The following NBAS variants were observed in gnomAD, a reference collection of about 807,000 sequenced individuals.
NBAS encodes the protein NBAS subunit of NRZ tethering complex, also known as NAG/BC035112 fusion.
Under a neutral mutation model 302.5 loss-of-function variants are expected in NBAS, and 219 were observed. The ratio of observed to expected loss-of-function variants is 0.72; its 90% CI spans 0.65 to 0.81. The LOEUF is 0.81. Ranked by LOEUF, NBAS falls within the 30% of genes least tolerant of loss-of-function variation. The pLI, the probability that NBAS is intolerant of heterozygous loss-of-function variation, is 0.00. For missense variants in NBAS, 2,932 were observed against 2,841.6 expected (o/e 1.03, Z -0.72); for synonymous variants, 1,118 against 1,021.6 (o/e 1.09, Z -1.80).
At chr2:14,929,283 T>A in the NBAS span, among the ~76,000 whole-genome samples, 2 of 152,224 alleles carry the variant, frequency 1.3e-5, no homozygotes, top group Non-Finnish European at 2.9e-5. Context: ...TATGTAAGAA[T>A]CACACACTAA....
the NBAS span, among the ~76,000 whole-genome samples, chr2:15,131,814 G>A: frequency 1.3e-5 from 2 of 151,722 alleles, no homozygotes; most frequent in East Asian, 1.9e-4. Context: ...AGGCCTACAG[G>A]GAGCTTTTAC....
intron 38 of NBAS, among the ~76,000 whole-genome samples, chr2:15,315,016 G>C (rs1671442377): frequency 6.6e-6 from 1 of 152,200 alleles, no homozygotes; most frequent in Non-Finnish European, 1.5e-5. Flanking sequence ...TGTGGGTTGG[G>C]CGTGTGCTGG....
At chr2:14,906,514 G>A in the NBAS span, among the ~76,000 whole-genome samples, 528 of 152,274 alleles carry the variant, frequency 3.5e-3, 2 homozygotes, top group Non-Finnish European at 6.1e-3. Flanking sequence ...AAAGGCACAC[G>A]CTGTTCCTGG....
At chr2:15,338,497 C>A (rs114559713) in intron 35 of NBAS, among the ~76,000 whole-genome samples, 177 of 152,264 alleles carry the variant, frequency 1.2e-3, no homozygotes, top group African/African-American at 4.1e-3. Flanking sequence ...TGGAGTAAAT[C>A]ACTCTAAAGT....
the NBAS span, among the ~76,000 whole-genome samples, chr2:15,080,928 C>A: frequency 6.6e-6 from 1 of 152,170 alleles, no homozygotes; most frequent in African/African-American, 2.4e-5. Context: ...CAAAGCCCAC[C>A]CTTATCCAAA....
At chr2:15,371,208 T>G (rs148835139) in intron 31 of NBAS, among the ~76,000 whole-genome samples, 1 of 152,302 alleles carries the variant, frequency 6.6e-6, no homozygotes, top group East Asian at 1.9e-4. Flanking sequence ...AGAAGATCCT[T>G]GCTTCCCCTT....
At chr2:15,384,504 A>T (rs1219965538) in intron 28 of NBAS, among the ~76,000 whole-genome samples, 1 of 140,188 alleles carries the variant, frequency 7.1e-6, no homozygotes, top group African/African-American at 2.7e-5. Flanking sequence ...AGATTAACTT[A>T]TACTAAAATA....
intron 9 of NBAS, among the ~76,000 whole-genome samples, chr2:15,533,203 C>T (rs1385876262): frequency 6.6e-6 from 1 of 152,062 alleles, no homozygotes; most frequent in East Asian, 1.9e-4. Flanking sequence ...CTCTGGAAAA[C>T]ATTTGACATT....
the NBAS span, among the ~76,000 whole-genome samples, chr2:14,929,687 A>ATTT: frequency 2.4e-3 from 354 of 149,672 alleles, no homozygotes; most frequent in African/African-American, 7.4e-3. Flanking sequence ...CCAACAGTAA[A>ATTT]TTTTTTTTTT....
intron 21 of NBAS, among the ~76,000 whole-genome samples, chr2:15,438,256 A>G (rs1448573548): frequency 6.6e-6 from 1 of 152,224 alleles, no homozygotes; most frequent in Non-Finnish European, 1.5e-5. Flanking sequence ...AGTACACACC[A>G]TGAGGTGGCT....
chr2:15,089,620 A>T, the NBAS span, among the ~76,000 whole-genome samples: 4 of 152,102 alleles, frequency 2.6e-5, no homozygotes, highest in Non-Finnish European at 5.9e-5. Flanking sequence ...GAATGAGAGC[A>T]GCTCCCACCC....
the NBAS span, among the ~76,000 whole-genome samples, chr2:14,958,682 G>T: frequency 6.6e-6 from 1 of 152,202 alleles, no homozygotes; most frequent in African/African-American, 2.4e-5. Flanking sequence ...ATGAGGCTTT[G>T]CTTTTGAGAA....
intron 35 of NBAS, among the ~76,000 whole-genome samples, chr2:15,332,222 GA>G (rs546397702): frequency 5.9e-5 from 9 of 152,136 alleles, no homozygotes; most frequent in Admixed American, 2.6e-4. Flanking sequence ...AGAGCCTCTG[GA>G]AAAGAACACA....
rs548822302 is a variant in NBAS at position 15,528,724 on chromosome 2, G to A, written c.746+5819C>T. On this transcript the variant is annotated intron_variant, in intron 9 of 51. Coordinates refer to ENST00000281513, the MANE Select transcript of NBAS (RefSeq NM_015909.4). Reference sequence around the variant, plus strand: ...CTCTACAAAAATACAAAAATTAGCCGGACCTGATGGCAAGAGCCTGTAATC... The same window carrying A: ...CTCTACAAAAATACAAAAATTAGCCAGACCTGATGGCAAGAGCCTGTAATC... 2.2e-4 allele frequency among the ~76,000 whole-genome samples: 33 copies of A among 149,530 alleles called. 1 individual carries two copies. Among genetic ancestry groups the A allele is most frequent in the South Asian group, 6.3e-4 (3 of 4,760 alleles).
the NBAS span, among the ~76,000 whole-genome samples, chr2:14,920,202 C>T: frequency 1.3e-5 from 2 of 152,124 alleles, no homozygotes; most frequent in African/African-American, 2.4e-5. Context: ...TATCAGAGCT[C>T]TTGGGTGTCT....
intron 32 of NBAS, among the ~76,000 whole-genome samples, chr2:15,362,971 C>T (rs565578881): frequency 4.6e-5 from 7 of 152,154 alleles, no homozygotes; most frequent in Admixed American, 3.9e-4. Context: ...ACCTGCAATC[C>T]CAACACTTTG....
intron 26 of NBAS, among the ~76,000 whole-genome samples, chr2:15,401,860 G>A (rs919974990): frequency 6.6e-6 from 1 of 152,040 alleles, no homozygotes; most frequent in African/African-American, 2.4e-5. Flanking sequence ...ACTACCTACT[G>A]ACTTATAAAA....
chr2:15,234,836 A>AT, intron 45 of NBAS, 89 bp from the exon 46 acceptor site: 1 of 1,326,836 alleles, frequency 7.5e-7, no homozygotes, highest in Non-Finnish European at 1.1e-6. Flanking sequence ...AGATCCTCGA[A>AT]CCAAATACAT....
chr2:14,868,903 C>A, the NBAS span, among the ~76,000 whole-genome samples: 2 of 152,106 alleles, frequency 1.3e-5, no homozygotes, highest in Non-Finnish European at 2.9e-5. Context: ...AGACTGAGCC[C>A]AACAGAATCC....
Sources: allele counts gnomAD v4.1 joint callset (sites outside exome capture counted in the v4.1 genomes callset), GRCh38; gene constraint gnomAD v4.1.1; transcripts MANE v1.5; gene names NCBI Gene and HGNC (gene_info 2026-07-23, HGNC 2026-07-21).